Variants in UNC13C observed in about 807,000 individuals in gnomAD.
The protein encoded by UNC13C is protein unc-13 homolog C.
UNC13C carries 174 observed loss-of-function variants against 245.4 expected under a neutral mutation model. That is an observed-to-expected ratio of 0.71 (90% CI 0.63 to 0.80). The LOEUF (loss-of-function observed/expected upper bound fraction) is 0.80, where lower values mean the gene tolerates loss of function less well. UNC13C is among the 30% of genes least tolerant of loss of function. The pLI is 0.00. For synonymous variants in UNC13C, 992 were observed against 895.1 expected, an observed-to-expected ratio of 1.11 and a Z score of -1.93; for missense variants, 2,829 against 2,602.9, an observed-to-expected ratio of 1.09 and a Z score of -1.89.
At chr15:54,232,079 A>G (rs2035568083) in intron 4 of UNC13C, among the ~76,000 whole-genome samples, 1 of 152,100 alleles carries the variant, frequency 6.6e-6, no homozygotes, top group African/African-American at 2.4e-5. Context: ...TGAGGTCAGT[A>G]AGGTAGACTG....
At chr15:54,209,301 G>A (rs1434606179) in intron 4 of UNC13C, among the ~76,000 whole-genome samples, 1 of 152,114 alleles carries the variant, frequency 6.6e-6, no homozygotes, top group Non-Finnish European at 1.5e-5. Context: ...TAAGCAACTT[G>A]CAACCACGAT....
chr15:54,554,330 G>A (rs62022208), intron 28 of UNC13C, among the ~76,000 whole-genome samples: 23,347 of 151,918 alleles, frequency 0.15, 2,816 homozygotes, highest in African/African-American at 0.33. Flanking sequence ...GTGTGATTGC[G>A]TGGTTTGTGC....
At chr15:54,252,595 T>C (rs1003627838) in intron 8 of UNC13C, among the ~76,000 whole-genome samples, 1 of 152,158 alleles carries the variant, frequency 6.6e-6, no homozygotes, top group African/African-American at 2.4e-5. Context: ...AAATTTGAAA[T>C]TCTCCCTACA....
intron 14 of UNC13C, among the ~76,000 whole-genome samples, chr15:54,324,677 G>A (rs1197172690): frequency 1.3e-5 from 2 of 151,888 alleles, no homozygotes; most frequent in Non-Finnish European, 2.9e-5. Flanking sequence ...ACTGTAAAAG[G>A]TAAGGTAAAC....
intron 22 of UNC13C, among the ~76,000 whole-genome samples, chr15:54,502,626 G>A (rs1894276301): frequency 2.0e-5 from 3 of 151,984 alleles, no homozygotes; most frequent in Non-Finnish European, 2.9e-5. Context: ...AATGAAACTG[G>A]GTCATTAGGA....
intron 2 of UNC13C, among the ~76,000 whole-genome samples, chr15:54,039,310 T>A (rs913895122): frequency 6.6e-6 from 1 of 152,234 alleles, no homozygotes; most frequent in African/African-American, 2.4e-5. Context: ...CTTTTGAAAC[T>A]TCATTTAATT....
chr15:54,501,730 G>A (rs1894224605), intron 22 of UNC13C, among the ~76,000 whole-genome samples: 3 of 152,124 alleles, frequency 2.0e-5, no homozygotes, highest in Non-Finnish European at 4.4e-5. Context: ...GAAATCTGAT[G>A]AGAGCCGAAA....
rs534113146 is a variant in UNC13C, at chr15:54,133,987, A to C, written c.2984-9031A>C. On this transcript the variant is annotated intron_variant, in intron 2 of 32. Coordinates refer to ENST00000260323, the MANE Select transcript of UNC13C (RefSeq NM_001080534.3). ...TAAAATATAATGATTTGATATTCAT[A>C]TACATTGTGAAATGATTACCACAAT... Among the ~76,000 whole-genome samples the C allele has an allele frequency of 7.5e-4, 114 of 152,296 alleles. 1 individual carries two copies. Among genetic ancestry groups the C allele is most frequent in the Admixed American group, 1.3e-3 (20 of 15,288 alleles).
Position 54,626,883 on chromosome 15 carries a change from G to C in UNC13C, c.6415G>C (p.Asp2139His). ...TTATGAACTTCATCTCTCAGTTAAG[G>C]ATTACTGCTTTGCCAGAGAAGATCG... ...GAYELHLSVK[D>H]YCFAREDRII... Residue 2139 changes from aspartate to histidine, a missense_variant, in exon 33 of 33, where the codon GAT becomes CAT. Coordinates refer to ENST00000260323, the MANE Select transcript of UNC13C (RefSeq NM_001080534.3). 6.2e-7 allele frequency: 1 copy of C among 1,613,204 alleles called. No homozygotes were observed.
chr15:54,517,737 A>T (rs1431115282), intron 24 of UNC13C, among the ~76,000 whole-genome samples: 2 of 152,228 alleles, frequency 1.3e-5, no homozygotes, highest in Non-Finnish European at 2.9e-5. Context: ...TACATTAATT[A>T]CTAAGATGCA....
intron 14 of UNC13C, among the ~76,000 whole-genome samples, chr15:54,330,469 G>A (rs2038409863): frequency 6.6e-6 from 1 of 151,912 alleles, no homozygotes; most frequent in African/African-American, 2.4e-5. Context: ...ACCACCATTT[G>A]CCCCAGTGAA....
the UNC13C span, among the ~76,000 whole-genome samples, chr15:53,934,737 C>T: frequency 2.0e-5 from 3 of 152,076 alleles, no homozygotes; most frequent in African/African-American, 2.4e-5. Flanking sequence ...AGCAAGGCAC[C>T]GACACAGTCA....
intron 20 of UNC13C, among the ~76,000 whole-genome samples, chr15:54,499,783 G>C (rs952917807): frequency 6.6e-6 from 1 of 152,064 alleles, no homozygotes; most frequent in Non-Finnish European, 1.5e-5. Flanking sequence ...GAGCACACAA[G>C]GTCTACATTT....
At chr15:54,550,814 G>A (rs1013560892) in intron 28 of UNC13C, among the ~76,000 whole-genome samples, 2 of 152,032 alleles carry the variant, frequency 1.3e-5, no homozygotes, top group Non-Finnish European at 2.9e-5. Context: ...TACCTCCCTG[G>A]GATTTCTGGA....
chr15:54,113,109 C>T (rs542273410), intron 2 of UNC13C, among the ~76,000 whole-genome samples: 14 of 152,132 alleles, frequency 9.2e-5, no homozygotes, highest in Non-Finnish European at 1.9e-4. Context: ...ACCTCTCCTC[C>T]ACACTCAACC....
In UNC13C at chr15:54,534,957, G is replaced by A. The variant is rs532121723; in HGVS notation, c.5696+1891G>A. ...TCAATACCTGCCAACACAAAAATAC[G>A]CTTAAGTATATCAACTATAGGCACT... On this transcript the variant is annotated intron_variant, in intron 26 of 32. Transcript: ENST00000260323. Among the ~76,000 whole-genome samples, 69 of 152,150 alleles carry A rather than the reference G, an allele frequency of 4.5e-4. No homozygotes were observed. In the South Asian group the frequency reaches 0.012, roughly 26 times the overall value.
intron 1 of UNC13C, among the ~76,000 whole-genome samples, chr15:54,001,524 CTG>C: frequency 6.6e-6 from 1 of 152,282 alleles, no homozygotes; most frequent in East Asian, 1.9e-4. Context: ...CAAAGAGCGT[CTG>C]TGTCACTGTG....
At chr15:54,355,946 C>T (rs1276686432) in intron 17 of UNC13C, among the ~76,000 whole-genome samples, 1 of 152,158 alleles carries the variant, frequency 6.6e-6, no homozygotes. Flanking sequence ...CGTACACATA[C>T]AGATATATGA....
At chr15:54,053,165 C>T (rs1354242927) in intron 2 of UNC13C, among the ~76,000 whole-genome samples, 2 of 151,070 alleles carry the variant, frequency 1.3e-5, no homozygotes, top group African/African-American at 2.4e-5. Context: ...CAGGTGTGCG[C>T]CACCACACCT....
Sources: gnomAD v4.1 joint callset for allele counts (sites outside exome capture counted in the v4.1 genomes callset) on GRCh38, gnomAD v4.1.1 for gene constraint, MANE v1.5 for transcripts, NCBI Gene and HGNC (gene_info 2026-07-23, HGNC 2026-07-21) for gene names.